The following RASA1 variants were observed in gnomAD, a reference collection of about 807,000 sequenced individuals.
RASA1 encodes the protein ras GTPase-activating protein 1.
In RASA1, 25 loss-of-function variants were observed where a neutral mutation model predicts 132.2. The observed-to-expected ratio is 0.19, with a 90% CI of 0.14 to 0.26. RASA1 has a LOEUF of 0.26. Ranked by LOEUF, RASA1 falls within the 10% of genes least tolerant of loss-of-function variation. RASA1 has a pLI of 1.00. For missense variants in RASA1, 964 were observed against 1,299.2 expected (o/e 0.74, Z 3.97); for synonymous variants, 477 against 449.9 (o/e 1.06, Z -0.76).
intron 1 of RASA1, among the ~76,000 whole-genome samples, chr5:87,284,300 A>G (rs1157963979): frequency 2.0e-5 from 3 of 152,224 alleles, no homozygotes; most frequent in African/African-American, 7.2e-5. Flanking sequence ...TCTTTCATAC[A>G]TTATGTCACT....
rs1753659800 is a variant in RASA1, at chr5:87,268,407, G to C, written c.-45G>C. On this transcript the variant is annotated 5_prime_UTR_variant, in exon 1 of 25. Transcript: ENST00000274376. ...GGAGCCCGGGCCTGGTGGCCCCTGGGGCTCCCGGGCGGGCAGGGTAGGGCA... is the reference window on the plus strand; with the variant it reads ...GGAGCCCGGGCCTGGTGGCCCCTGGCGCTCCCGGGCGGGCAGGGTAGGGCA... The C allele has an allele frequency of 6.7e-7, 1 of 1,486,476 alleles. No homozygotes were observed. The highest frequency in any genetic ancestry group is 2.5e-5 in the East Asian group (1 of 40,230). The allele number at this position is 1,486,476 out of a possible 1,614,324, so 92.1% of individuals were successfully genotyped here. A position where few individuals can be genotyped will look rare whatever the true frequency, so the allele number is the denominator to read the frequency against.
In RASA1 at chr5:87,363,422, G is replaced by A; in HGVS notation, c.1528G>A (p.Glu510Lys). The A allele has an allele frequency of 6.2e-7, 1 of 1,610,994 alleles. No homozygotes were observed. The highest frequency in any genetic ancestry group is 1.1e-5 in the South Asian group (1 of 90,998). The change falls in exon 11 of 25, where the codon GAA becomes AAA. Residue 510 changes from glutamate to lysine, a missense_variant. By Grantham distance (56) the Glu-to-Lys change is moderately conservative (BLOSUM62 1). Transcript: ENST00000274376. ...SDAQLIYFESEKRATKPKGLI... is the reference protein window; with the variant it reads ...SDAQLIYFESKKRATKPKGLI... ...TGCCCAACTTATTTATTTTGAAAGC[G>A]AAAAACGAGCTACCAAACCAAAAGG...
At chr5:87,351,180 T>TA (rs1228940643) in intron 8 of RASA1, among the ~76,000 whole-genome samples, 1,779 of 145,554 alleles carry the variant, frequency 0.012, 25 homozygotes, top group African/African-American at 0.04. Flanking sequence ...TTCAGAGTTT[T>TA]AAAAAAAAAA....
chr5:87,283,919 G>GTA (rs1369883611), intron 1 of RASA1, among the ~76,000 whole-genome samples: 2 of 152,118 alleles, frequency 1.3e-5, no homozygotes, highest in African/African-American at 4.8e-5. Flanking sequence ...GGATATTCAT[G>GTA]TACTTGCATG....
At chr5:87,332,308 T>C (rs1757662624) in intron 2 of RASA1, among the ~76,000 whole-genome samples, 199 bp from the exon 3 acceptor site, 1 of 152,122 alleles carries the variant, frequency 6.6e-6, no homozygotes, top group African/African-American at 2.4e-5. Flanking sequence ...TCACATCAAA[T>C]GCATGTATAT....
At chr5:87,374,962 T>C in intron 15 of RASA1, 46 bp downstream of exon 15, 1 of 1,568,630 alleles carries the variant, frequency 6.4e-7, no homozygotes, top group South Asian at 1.2e-5. Context: ...GCATGTTTTA[T>C]ATACTTTCAA....
rs368695459 is a variant in RASA1 at position 87,279,365 on chromosome 5, C to T, written c.539+10375C>T. On this transcript the variant is annotated intron_variant, in intron 1 of 24. Transcript: ENST00000274376. ...CTTTTTTCATTGCTGAATAGTAGTCCATGGTGTAGATGTGCCACAGTTTGT... is the reference window on the plus strand; with the variant it reads ...CTTTTTTCATTGCTGAATAGTAGTCTATGGTGTAGATGTGCCACAGTTTGT... Among the ~76,000 whole-genome samples, 29 of 152,142 alleles carry T rather than the reference C, an allele frequency of 1.9e-4. No homozygotes were observed. In the South Asian group the frequency reaches 5.8e-3, roughly 30 times the overall value.
chr5:87,377,060 G>A lies in RASA1; in HGVS notation c.2344+20G>A. ...TGGAAGGTATGGTATGGCCATGTTAGTGTGATACAAGAAACTGGGTTTAGA... is the reference window on the plus strand; with the variant it reads ...TGGAAGGTATGGTATGGCCATGTTAATGTGATACAAGAAACTGGGTTTAGA... On this transcript the variant is annotated intron_variant, in intron 17 of 24. Transcript: ENST00000274376. 2 of 1,606,342 alleles carry A rather than the reference G, an allele frequency of 1.2e-6. No individual in the cohort carries two copies. The highest frequency in any genetic ancestry group is 1.7e-6 in the Non-Finnish European group (2 of 1,173,254).
At chr5:87,346,630 A>T in intron 6 of RASA1, 42 bp from the exon 7 acceptor site, 1 of 1,328,292 alleles carries the variant, frequency 7.5e-7, no homozygotes, top group South Asian at 1.2e-5. Context: ...GATAACAGCA[A>T]AAAGGACTTT....
chr5:87,375,542 C>A (rs1761268892), intron 15 of RASA1, among the ~76,000 whole-genome samples: 1 of 152,064 alleles, frequency 6.6e-6, no homozygotes, highest in South Asian at 2.1e-4. Flanking sequence ...ATTACATTAC[C>A]ATATAAGTAA....
chr5:87,314,004 C>T (rs1166262528), intron 1 of RASA1, among the ~76,000 whole-genome samples: 1 of 151,582 alleles, frequency 6.6e-6, no homozygotes, highest in East Asian at 1.9e-4. Context: ...CCTGTCTCTA[C>T]TAAAAATACA....
rs551068877 is a variant in RASA1, at chr5:87,381,371, C to A, written c.2690+776C>A. Among the ~76,000 whole-genome samples, 130 of 152,234 alleles carry A rather than the reference C, an allele frequency of 8.5e-4. 2 individuals are homozygous for A. The highest frequency in any genetic ancestry group is 7.5e-3 in the South Asian group (36 of 4,822). On this transcript the variant is annotated intron_variant, in intron 20 of 24. Transcript: ENST00000274376. ...GTTAAGCATACTCCAACTAATACCC[C>A]AACTAATTCCAGGCAAATGGAAGTT...
intron 1 of RASA1, among the ~76,000 whole-genome samples, chr5:87,285,090 A>T (rs1447529190): frequency 1.5e-5 from 2 of 136,634 alleles, no homozygotes; most frequent in Non-Finnish European, 3.2e-5. Context: ...TTATTTTGAG[A>T]TGGAGTCTTG....
intron 1 of RASA1, among the ~76,000 whole-genome samples, chr5:87,288,127 T>TAC (rs1440396318): frequency 1.4e-5 from 2 of 143,914 alleles, no homozygotes; most frequent in Non-Finnish European, 3.0e-5. Context: ...ACCATATATA[T>TAC]ACCATATATA....
At chr5:87,275,758 A>G (rs1043357641) in intron 1 of RASA1, among the ~76,000 whole-genome samples, 4 of 152,058 alleles carry the variant, frequency 2.6e-5, no homozygotes, top group East Asian at 1.9e-4. Context: ...TTTCATGGAG[A>G]TGGGGTTTCA....
chr5:87,381,072 G>A (rs914686639), intron 20 of RASA1, among the ~76,000 whole-genome samples: 1 of 152,130 alleles, frequency 6.6e-6, no homozygotes, highest in African/African-American at 2.4e-5. Flanking sequence ...AACTGCTTTG[G>A]CAAATCATGG....
At position 87,374,228 on chromosome 5, in the gene RASA1, A is replaced by G. The variant is rs376280581; in HGVS notation, c.1842A>G (p.Pro614=). 6.3e-6 allele frequency: 10 copies of G among 1,596,402 alleles called. No homozygotes were observed. Among genetic ancestry groups the G allele is most frequent in the African/African-American group, 2.7e-5 (2 of 74,314 alleles). ...HKLPVKHFTN[P]YCNIYLNSVQ... is the part of the protein sequence containing the mutation. The stretch of plus-strand genomic sequence containing the variant: ...TCCCAGTAAAACATTTTACTAATCC[A>G]TATTGTAACATCTACCTGAATAGTG... Residue 614 remains proline (P), a synonymous_variant, in exon 14 of 25, where the codon CCA becomes CCG. Coordinates refer to ENST00000274376, the MANE Select transcript of RASA1 (RefSeq NM_002890.3).
chr5:87,280,965 G>A (rs1172450231), intron 1 of RASA1, among the ~76,000 whole-genome samples: 1 of 150,834 alleles, frequency 6.6e-6, no homozygotes, highest in South Asian at 2.1e-4. Context: ...TCCATTGCAT[G>A]TATATATCAC....
At chr5:87,271,255 C>A (rs535865247) in intron 1 of RASA1, among the ~76,000 whole-genome samples, 2 of 151,530 alleles carry the variant, frequency 1.3e-5, no homozygotes, top group Middle Eastern at 3.4e-3. Context: ...AACAAACAAA[C>A]AAAAAAACAA....
Sources: gnomAD v4.1 joint callset for allele counts (sites outside exome capture counted in the v4.1 genomes callset) on GRCh38, gnomAD v4.1.1 for gene constraint, MANE v1.5 for transcripts, NCBI Gene and HGNC (gene_info 2026-07-23, HGNC 2026-07-21) for gene names.